Variants in CACNA1E observed in about 807,000 individuals in gnomAD.
CACNA1E encodes voltage-dependent R-type calcium channel subunit alpha-1E.
A neutral mutation model predicts 259.2 loss-of-function variants in CACNA1E; 40 were observed. That is an observed-to-expected ratio of 0.15 (90% CI 0.12 to 0.20). CACNA1E has a LOEUF of 0.20. CACNA1E is among the 10% of genes least tolerant of loss of function. The pLI is 1.00. For synonymous variants in CACNA1E, 1,104 were observed against 1,138.5 expected (o/e 0.97, Z 0.61); for missense variants, 1,874 against 3,040.1 (o/e 0.62, Z 9.02).
chr1:181,687,732 G>C (rs1650725807), intron 7 of CACNA1E, among the ~76,000 whole-genome samples: 1 of 151,974 alleles, frequency 6.6e-6, no homozygotes, highest in Admixed American at 6.6e-5. Flanking sequence ...TATATGGTTT[G>C]TTACAGATTC....
intron 1 of CACNA1E, among the ~76,000 whole-genome samples, chr1:181,328,337 T>G (rs1650961301): frequency 6.6e-6 from 1 of 152,152 alleles, no homozygotes; most frequent in Admixed American, 6.6e-5. Context: ...AATCACCTCC[T>G]AAAGGCCCCA....
At chr1:181,421,400 C>T (rs1658734766) in intron 2 of CACNA1E, among the ~76,000 whole-genome samples, 2 of 152,162 alleles carry the variant, frequency 1.3e-5, no homozygotes, top group South Asian at 4.1e-4. Context: ...CAGGGTTATT[C>T]TGGGCCTCTT....
intron 1 of CACNA1E, among the ~76,000 whole-genome samples, chr1:181,373,051 G>A (rs1041793868): frequency 6.6e-6 from 1 of 152,118 alleles, no homozygotes; most frequent in Non-Finnish European, 1.5e-5. Context: ...GCATTTTGTT[G>A]AGGATTTTTG....
At chr1:181,609,277 A>G (rs1257181791) in intron 6 of CACNA1E, among the ~76,000 whole-genome samples, 2 of 152,162 alleles carry the variant, frequency 1.3e-5, no homozygotes, top group Non-Finnish European at 2.9e-5. Context: ...ATAAAACATA[A>G]CTGCAGGGAA....
At chr1:181,432,534 G>A (rs1471228609) in intron 2 of CACNA1E, among the ~76,000 whole-genome samples, 2 of 152,126 alleles carry the variant, frequency 1.3e-5, no homozygotes, top group South Asian at 2.1e-4. Context: ...AAATCCTTTG[G>A]TTGTTCCAAG....
chr1:181,590,294 G>C (rs1169281107), intron 6 of CACNA1E, among the ~76,000 whole-genome samples: 1 of 151,436 alleles, frequency 6.6e-6, no homozygotes, highest in Non-Finnish European at 1.5e-5. Flanking sequence ...AGGGATTCCT[G>C]AGAACCTCCA....
At chr1:181,656,562 A>G (rs1659225630) in intron 7 of CACNA1E, among the ~76,000 whole-genome samples, 2 of 152,228 alleles carry the variant, frequency 1.3e-5, no homozygotes, top group South Asian at 4.1e-4. Flanking sequence ...GTAAAGTTAC[A>G]GTACGTGAAG....
intron 1 of CACNA1E, among the ~76,000 whole-genome samples, chr1:181,386,488 C>T (rs1374309139): frequency 2.6e-4 from 39 of 152,124 alleles, no homozygotes; most frequent in Admixed American, 2.6e-3. Flanking sequence ...TATTCTAGGT[C>T]ATCTGAAGGA....
At chr1:181,795,950 GTTA>G (rs1435512367) in intron 46 of CACNA1E, among the ~76,000 whole-genome samples, 2 of 151,774 alleles carry the variant, frequency 1.3e-5, no homozygotes, top group Admixed American at 1.3e-4. Flanking sequence ...TGTTAGGTGT[GTTA>G]TTATTTAGTT....
chr1:181,795,089 T>G (rs1344444583), intron 46 of CACNA1E, 45 bp downstream of exon 46: 1 of 1,506,690 alleles, frequency 6.6e-7, no homozygotes. Flanking sequence ...GGCAGTGGGC[T>G]CCTGCCCTGA....
At chr1:181,787,776 T>G (rs982983589) in intron 43 of CACNA1E, among the ~76,000 whole-genome samples, 2 of 152,178 alleles carry the variant, frequency 1.3e-5, no homozygotes, top group African/African-American at 2.4e-5. Flanking sequence ...TGAGTGAGAC[T>G]TGAAGACAAG....
At chr1:181,593,871 A>G (rs1465076330) in intron 6 of CACNA1E, among the ~76,000 whole-genome samples, 1 of 152,176 alleles carries the variant, frequency 6.6e-6, no homozygotes, top group Non-Finnish European at 1.5e-5. Context: ...GTTAGGGTAG[A>G]CCTGACATTC....
intron 35 of CACNA1E, among the ~76,000 whole-genome samples, chr1:181,769,637 C>T (rs373728260): frequency 6.6e-6 from 1 of 152,156 alleles, no homozygotes; most frequent in Admixed American, 6.5e-5. Flanking sequence ...GACTATTACA[C>T]ACATACTTTG....
chr1:181,587,274 G>A (rs1011207968), intron 6 of CACNA1E, among the ~76,000 whole-genome samples: 1 of 152,200 alleles, frequency 6.6e-6, no homozygotes, highest in African/African-American at 2.4e-5. Context: ...GACTGAGGGA[G>A]TAAGTGGAGT....
chr1:181,676,253 C>T (rs1264960489), intron 7 of CACNA1E, among the ~76,000 whole-genome samples: 1 of 152,184 alleles, frequency 6.6e-6, no homozygotes, highest in Admixed American at 6.5e-5. Flanking sequence ...GCACCCACAG[C>T]ATCTTAGAAT....
At chr1:181,486,179 A>G (rs1460193873) in intron 1 of CACNA1E, among the ~76,000 whole-genome samples, 1 of 152,226 alleles carries the variant, frequency 6.6e-6, no homozygotes, top group Non-Finnish European at 1.5e-5. Flanking sequence ...TGGACCAAAG[A>G]GAGTCAAACG....
At chr1:181,700,062 G>A (rs1181371388) in intron 7 of CACNA1E, among the ~76,000 whole-genome samples, 4 of 152,158 alleles carry the variant, frequency 2.6e-5, no homozygotes, top group African/African-American at 4.8e-5. Context: ...CCTGTGCAAC[G>A]TCACCTGGAG....
Position 181,354,703 on chromosome 1 carries a change from G to A in CACNA1E, c.-15+36580G>A, listed in dbSNP as rs777297194. ...GAGTAGTTTTCATGGAGGGAGACAG[G>A]GAAAAGGGCAGTAGAGCCTTGGTTC... On this transcript the variant is annotated intron_variant, in intron 1 of 11. Coordinates refer to the CACNA1E transcript ENST00000524607. Among the ~76,000 whole-genome samples, 66 of 152,184 alleles carry A rather than the reference G, an allele frequency of 4.3e-4. 1 individual carries two copies. The highest frequency in any genetic ancestry group is 8.2e-4 in the Non-Finnish European group (56 of 68,034).
At chr1:181,794,736 G>A (rs1661638018) in intron 45 of CACNA1E, 128 bp from the exon 46 acceptor site, 1 of 714,504 alleles carries the variant, frequency 1.4e-6, no homozygotes, top group Admixed American at 3.0e-5. Context: ...AGAGATTCAA[G>A]GGAAGTTACC....
Sources: allele counts gnomAD v4.1 joint callset (sites outside exome capture counted in the v4.1 genomes callset), GRCh38; gene constraint gnomAD v4.1.1; transcripts MANE v1.5; gene names NCBI Gene and HGNC (gene_info 2026-07-23, HGNC 2026-07-21).